RUNDC3B: variants seen among roughly 807,000 people sequenced by gnomAD.
RUNDC3B encodes RUN domain containing 3B.
In RUNDC3B, 33 loss-of-function variants were observed where a neutral mutation model predicts 58.4. That is an observed-to-expected ratio of 0.56 (90% CI 0.43 to 0.75). The LOEUF is 0.75. Ranked by LOEUF, RUNDC3B falls within the 30% of genes least tolerant of loss-of-function variation. RUNDC3B has a pLI of 0.00. For missense variants in RUNDC3B, 501 were observed against 535.7 expected (o/e 0.94, Z 0.64); for synonymous variants, 193 against 195.2 (o/e 0.99, Z 0.10).
intron 4 of RUNDC3B, among the ~76,000 whole-genome samples, chr7:87,726,845 A>T (rs2130785618): frequency 6.6e-6 from 1 of 152,220 alleles, no homozygotes; most frequent in African/African-American, 2.4e-5. Flanking sequence ...TTCTCTTTGA[A>T]GCAATTGTGA....
chr7:87,700,833 C>T (rs538232319), intron 3 of RUNDC3B, among the ~76,000 whole-genome samples: 8 of 152,242 alleles, frequency 5.3e-5, no homozygotes, highest in African/African-American at 7.2e-5. Context: ...TTTGCCTTTT[C>T]GCTGTGTTGA....
chr7:87,717,832 C>T (rs1830651554), intron 4 of RUNDC3B, among the ~76,000 whole-genome samples: 1 of 152,046 alleles, frequency 6.6e-6, no homozygotes, highest in Non-Finnish European at 1.5e-5. Flanking sequence ...TAAGGAAAAT[C>T]TAATACTTTT....
At chr7:87,752,969 G>C (rs1833113904) in intron 6 of RUNDC3B, among the ~76,000 whole-genome samples, 1 of 151,492 alleles carries the variant, frequency 6.6e-6, no homozygotes, top group Non-Finnish European at 1.5e-5. Context: ...TGTGATGTTA[G>C]GGTGTCAATT....
At position 87,781,147 on chromosome 7, in the gene RUNDC3B, T is replaced by C. The variant is rs184826664; in HGVS notation, c.956+3192T>C. Among the ~76,000 whole-genome samples the C allele has an allele frequency of 1.2e-3, 188 of 152,310 alleles. 2 individuals are homozygous for C. The highest frequency in any genetic ancestry group is 4.3e-3 in the African/African-American group (179 of 41,578). ...CGGAATATTTTTCCATTTGTTTATG[T>C]CATTTGTGATTTCTTTCAGCAGTGT... On this transcript the variant is annotated intron_variant, in intron 8 of 10. Coordinates refer to ENST00000394654, the MANE Select transcript of RUNDC3B (RefSeq NM_001134405.2).
chr7:87,770,916 A>G (rs1449443559), intron 7 of RUNDC3B, among the ~76,000 whole-genome samples, 167 bp downstream of exon 7: 1 of 152,228 alleles, frequency 6.6e-6, no homozygotes. Context: ...TGTAGAAGAT[A>G]CTTTTGTTTG....
At position 87,650,848 on chromosome 7, in the gene RUNDC3B, G is replaced by T. The variant is rs753998778; in HGVS notation, c.149G>T (p.Arg50Leu). ...TTTTCTGTGAAGACCCTGATTGATC[G>T]GTCTTGCTTTGAGACAATTGATGAT... ...CRFSVKTLID[R>L]SCFETIDDSS... Residue 50 changes from arginine to leucine, a missense_variant, in exon 2 of 11, where the codon CGG becomes CTG. Coordinates refer to ENST00000394654, the MANE Select transcript of RUNDC3B (RefSeq NM_001134405.2). 6.2e-7 allele frequency: 1 copy of T among 1,610,844 alleles called. No homozygotes were observed. The highest frequency in any genetic ancestry group is 1.3e-5 in the African/African-American group (1 of 74,716).
chr7:87,721,141 A>G (rs1454429023), intron 4 of RUNDC3B, among the ~76,000 whole-genome samples: 4 of 150,956 alleles, frequency 2.6e-5, no homozygotes, highest in Non-Finnish European at 5.9e-5. Flanking sequence ...TGATTATATT[A>G]TAATTGTATA....
At chr7:87,779,290 C>T (rs1181988324) in intron 8 of RUNDC3B, among the ~76,000 whole-genome samples, 1 of 152,134 alleles carries the variant, frequency 6.6e-6, no homozygotes, top group African/African-American at 2.4e-5. Context: ...GGTTGTCAGC[C>T]ACTTTAAACT....
rs900286764 is a variant in RUNDC3B at position 87,822,041 on chromosome 7, G to C, written c.1225+5779G>C. On this transcript the variant is annotated intron_variant, in intron 10 of 10. Transcript: ENST00000394654. ...GCAACAAAAGCCAAAATTGACAAAT[G>C]GGATCTAATTAAACTAAAGAGCTTC... Among the ~76,000 whole-genome samples the C allele has an allele frequency of 2.9e-3, 438 of 151,916 alleles. 1 individual carries two copies. The highest frequency in any genetic ancestry group is 0.01 in the African/African-American group (420 of 41,520).
intron 2 of RUNDC3B, among the ~76,000 whole-genome samples, chr7:87,695,824 A>C (rs1270155806): frequency 6.6e-6 from 1 of 152,090 alleles, no homozygotes; most frequent in East Asian, 1.9e-4. Flanking sequence ...AATAAGATAC[A>C]AACAAAACAC....
intron 6 of RUNDC3B, among the ~76,000 whole-genome samples, chr7:87,756,429 G>GT (rs1444849104): frequency 6.6e-6 from 1 of 151,890 alleles, no homozygotes; most frequent in East Asian, 1.9e-4. Context: ...ATGATGTCAG[G>GT]TTTTTTACCT....
chr7:87,706,998 C>T (rs1393812263), intron 3 of RUNDC3B, among the ~76,000 whole-genome samples: 2 of 152,094 alleles, frequency 1.3e-5, no homozygotes, highest in Non-Finnish European at 1.5e-5. Context: ...TTACTTGAGA[C>T]CCCTGAAAGA....
intron 5 of RUNDC3B, among the ~76,000 whole-genome samples, chr7:87,740,839 TTTTATATCACGTCAC>T (rs1465149265): frequency 1.3e-5 from 2 of 152,146 alleles, no homozygotes; most frequent in Non-Finnish European, 2.9e-5. Context: ...GATGTTAACT[TTTTATATCACGTCAC>T]TAGCTCTGTC....
At chr7:87,763,947 A>C (rs1391462330) in intron 6 of RUNDC3B, among the ~76,000 whole-genome samples, 1 of 151,800 alleles carries the variant, frequency 6.6e-6, no homozygotes, top group African/African-American at 2.4e-5. Context: ...AGAGGATGAA[A>C]TATATAATGT....
intron 6 of RUNDC3B, 76 bp from the exon 7 acceptor site, chr7:87,770,505 C>A: frequency 4.4e-6 from 5 of 1,131,926 alleles, no homozygotes; most frequent in Non-Finnish European, 6.4e-6. Flanking sequence ...TTCACCGTAG[C>A]TTGCAAATGT....
At chr7:87,820,747 T>G (rs1227762080) in intron 10 of RUNDC3B, among the ~76,000 whole-genome samples, 2 of 151,310 alleles carry the variant, frequency 1.3e-5, no homozygotes, top group Non-Finnish European at 3.0e-5. Flanking sequence ...CGCAAATCAA[T>G]AAATGTAATC....
At chr7:87,795,451 T>C (rs543073689) in intron 8 of RUNDC3B, among the ~76,000 whole-genome samples, 4 of 152,310 alleles carry the variant, frequency 2.6e-5, no homozygotes, top group East Asian at 1.9e-4. Flanking sequence ...CCAGTTAAAA[T>C]GGCTTCTATC....
chr7:87,721,426 G>T (rs1309824353), intron 4 of RUNDC3B, among the ~76,000 whole-genome samples: 1 of 152,070 alleles, frequency 6.6e-6, no homozygotes, highest in Admixed American at 6.6e-5. Context: ...GAGAGAGTGT[G>T]AGAGAACAAA....
At chr7:87,689,822 C>T (rs1050589835) in intron 2 of RUNDC3B, among the ~76,000 whole-genome samples, 1 of 152,000 alleles carries the variant, frequency 6.6e-6, no homozygotes, top group African/African-American at 2.4e-5. Flanking sequence ...CTTTGCTAGA[C>T]GTCTAATGAT....
Sources: gnomAD v4.1 joint callset for allele counts (sites outside exome capture counted in the v4.1 genomes callset) on GRCh38, gnomAD v4.1.1 for gene constraint, MANE v1.5 for transcripts, NCBI Gene and HGNC (gene_info 2026-07-23, HGNC 2026-07-21) for gene names.